Variants in KCNH7 observed in about 807,000 individuals in gnomAD.
KCNH7 encodes voltage-gated inwardly rectifying potassium channel KCNH7.
A neutral mutation model predicts 120.8 loss-of-function variants in KCNH7; 49 were observed. The ratio of observed to expected loss-of-function variants is 0.41; its 90% CI spans 0.32 to 0.51. KCNH7 has a LOEUF of 0.51. Among genes scored for constraint, KCNH7 ranks in the 20% least tolerant of loss-of-function variants. The pLI is 0.38. For synonymous variants in KCNH7, 547 were observed against 516.1 expected (o/e 1.06, Z -0.81); for missense variants, 1,097 against 1,446.6 (o/e 0.76, Z 3.92).
At chr2:162,412,868 C>T (rs750496339) in intron 9 of KCNH7, among the ~76,000 whole-genome samples, 22 of 152,090 alleles carry the variant, frequency 1.4e-4, no homozygotes, top group Admixed American at 3.9e-4. Flanking sequence ...CTCATAATTC[C>T]TAAATCCTTG....
intron 6 of KCNH7, among the ~76,000 whole-genome samples, chr2:162,482,731 A>G (rs534898633): frequency 3.9e-5 from 6 of 152,298 alleles, no homozygotes; most frequent in South Asian, 4.1e-4. Flanking sequence ...CTACAGCAAT[A>G]GAACCTTGGG....
intron 2 of KCNH7, among the ~76,000 whole-genome samples, chr2:162,733,575 C>T (rs1451973253): frequency 6.6e-6 from 1 of 152,218 alleles, no homozygotes; most frequent in Non-Finnish European, 1.5e-5. Flanking sequence ...GAAACAGACT[C>T]ATGACGTGCA....
At chr2:162,497,000 G>T (rs931691267) in intron 6 of KCNH7, 2 of 152,144 alleles carry the variant, frequency 1.3e-5, no homozygotes, top group Non-Finnish European at 2.9e-5. Flanking sequence ...AACAGAGTTG[G>T]TCCTGGTTAG....
chr2:162,535,716 C>A (rs569721463), intron 3 of KCNH7, among the ~76,000 whole-genome samples: 9 of 151,608 alleles, frequency 5.9e-5, no homozygotes, highest in Middle Eastern at 6.9e-3. Flanking sequence ...GAAAATTAAT[C>A]AAAAAATAAC....
chr2:162,435,715 C>A, intron 7 of KCNH7, 118 bp from the exon 8 acceptor site: 3 of 960,840 alleles, frequency 3.1e-6, no homozygotes, highest in Non-Finnish European at 4.4e-6. Flanking sequence ...GGATAACTGC[C>A]TATTTAAATT....
At chr2:162,634,105 A>G (rs562342176) in intron 2 of KCNH7, among the ~76,000 whole-genome samples, 9 of 152,184 alleles carry the variant, frequency 5.9e-5, no homozygotes, top group South Asian at 2.1e-4. Context: ...TCTGTTCATC[A>G]TATCTTCTAC....
intron 3 of KCNH7, among the ~76,000 whole-genome samples, chr2:162,531,082 A>G (rs1339353080): frequency 2.0e-5 from 3 of 151,916 alleles, no homozygotes; most frequent in Non-Finnish European, 4.4e-5. Context: ...ACTCTGTCCA[A>G]CGCTTCCCTG....
At chr2:162,552,409 A>G (rs1692699825) in intron 2 of KCNH7, among the ~76,000 whole-genome samples, 1 of 152,194 alleles carries the variant, frequency 6.6e-6, no homozygotes, top group Non-Finnish European at 1.5e-5. Flanking sequence ...AATGAAAAAT[A>G]AGAACAAAAA....
In KCNH7 at chr2:162,384,663, C is replaced by T. The variant is rs766832159; in HGVS notation, c.2962+25G>A. 6.2e-6 allele frequency: 10 copies of T among 1,608,570 alleles called. No homozygotes were observed. In the African/African-American group the frequency reaches 1.1e-4, roughly 17 times the overall value. On this transcript the variant is annotated intron_variant, in intron 13 of 15. Transcript: ENST00000332142. ...TTTGTGATTAGCACTGAAGAGAGACCACCTGATGTCTAACTCTGGATTACC... is the reference window on the plus strand; with the variant it reads ...TTTGTGATTAGCACTGAAGAGAGACTACCTGATGTCTAACTCTGGATTACC...
At chr2:162,542,696 T>C (rs1205009110) in intron 2 of KCNH7, among the ~76,000 whole-genome samples, 1 of 151,946 alleles carries the variant, frequency 6.6e-6, no homozygotes, top group African/African-American at 2.4e-5. Flanking sequence ...TTGTGAATAG[T>C]GCCGCAATAA....
intron 9 of KCNH7, among the ~76,000 whole-genome samples, chr2:162,418,616 A>G (rs1249923178): frequency 6.6e-6 from 1 of 152,124 alleles, no homozygotes; most frequent in Non-Finnish European, 1.5e-5. Flanking sequence ...GGCCCAGATG[A>G]AGTCTTTTAA....
chr2:162,597,322 C>T (rs756943905), intron 2 of KCNH7, among the ~76,000 whole-genome samples: 3 of 151,900 alleles, frequency 2.0e-5, no homozygotes, highest in Non-Finnish European at 2.9e-5. Context: ...TGATTAAAAA[C>T]GTGGTATATA....
chr2:162,567,344 T>C lies in KCNH7; in HGVS notation c.308-30264A>G, dbSNP rs145517995. Among the ~76,000 whole-genome samples the C allele has an allele frequency of 3.9e-3, 598 of 152,096 alleles. 2 individuals are homozygous for C. The highest frequency in any genetic ancestry group is 0.013 in the African/African-American group (554 of 41,558). ...AGAAAATAACAGTCCAAAAGCCATT[T>C]GGTGAGGCTAACAAGGTAAACACTC... is the stretch of plus-strand genomic sequence containing the variant. On this transcript the variant is annotated intron_variant, in intron 2 of 15. Transcript: ENST00000332142.
At position 162,379,876 on chromosome 2, in the gene KCNH7, A is replaced by G. The variant is rs1345889378; in HGVS notation, c.3108T>C (p.Asp1036=). Residue 1036 remains aspartate (D), a synonymous_variant, in exon 14 of 16, where the codon GAT becomes GAC. Transcript: ENST00000332142. ...ACCTGTTAAGTTGCTCCTGGAGCAG[A>G]TCTAATCTTTGTTCCACTTCCCCGT... is the stretch of plus-strand genomic sequence containing the variant. ...LTYGEVEQRL[D]LLQEQLNRLE... 1 of 1,613,816 alleles carries G rather than the reference A, an allele frequency of 6.2e-7. No individual in the cohort carries two copies. The highest frequency in any genetic ancestry group is 8.5e-7 in the Non-Finnish European group (1 of 1,179,916).
chr2:162,791,562 A>G lies in KCNH7; in HGVS notation c.307+44975T>C, dbSNP rs141669477. On this transcript the variant is annotated intron_variant, in intron 2 of 15. Transcript: ENST00000332142. The stretch of plus-strand genomic sequence containing the variant: ...TTGTGGCAATTGTGAATGAGATTAC[A>G]TTCCTGATTTGGCTCTCAGCTTGAT... Among the ~76,000 whole-genome samples the G allele has an allele frequency of 4.5e-4, 68 of 152,158 alleles. No individual in the cohort carries two copies. In the East Asian group the frequency reaches 0.011, roughly 24 times the overall value.
At chr2:162,813,978 A>G (rs975030224) in intron 2 of KCNH7, among the ~76,000 whole-genome samples, 3 of 152,238 alleles carry the variant, frequency 2.0e-5, no homozygotes, top group African/African-American at 7.2e-5. Flanking sequence ...GAATCATTCC[A>G]TTAAACACAT....
At chr2:162,741,600 T>C (rs956769641) in intron 2 of KCNH7, among the ~76,000 whole-genome samples, 1 of 152,122 alleles carries the variant, frequency 6.6e-6, no homozygotes, top group Non-Finnish European at 1.5e-5. Flanking sequence ...GCCTGGTAAT[T>C]GATTGCAGGT....
chr2:162,635,348 TATA>T (rs902346491), intron 2 of KCNH7, among the ~76,000 whole-genome samples: 10 of 152,038 alleles, frequency 6.6e-5, no homozygotes, highest in African/African-American at 2.4e-4. Context: ...AATAAATAAT[TATA>T]ATAATAATAG....
rs757642701 is a variant in KCNH7 at position 162,517,785 on chromosome 2, T to C, written c.837A>G (p.Ile279Met). The C allele has an allele frequency of 1.9e-6, 3 of 1,601,418 alleles. No individual in the cohort carries two copies. The highest frequency in any genetic ancestry group is 1.7e-5 in the Admixed American group (1 of 59,772). Residue 279 changes from isoleucine (I) to methionine (M), a missense_variant, in exon 4 of 16, where the codon ATA becomes ATG. Coordinates refer to ENST00000332142, the MANE Select transcript of KCNH7 (RefSeq NM_033272.4). ...TCTTGGGGTGGACGCCGAATCCTTC[T>C]ATATCATGGACCGAAGATGCTCTCC... ...SIRRASSVHDIEGFGVHPKNI... is the reference protein window; with the variant it reads ...SIRRASSVHDMEGFGVHPKNI...
Sources: allele counts gnomAD v4.1 joint callset (sites outside exome capture counted in the v4.1 genomes callset), GRCh38; gene constraint gnomAD v4.1.1; transcripts MANE v1.5; gene names NCBI Gene and HGNC (gene_info 2026-07-23, HGNC 2026-07-21).